Variants in BTBD9 observed in about 807,000 individuals in gnomAD.
BTBD9 encodes BTB domain containing 9, also known as BTB/POZ domain-containing protein 9.
In BTBD9, 49 loss-of-function variants were observed where a neutral mutation model predicts 64.3. That is an observed-to-expected ratio of 0.76 (90% confidence interval 0.61 to 0.97). The LOEUF (loss-of-function observed/expected upper bound fraction) is 0.97. Among genes scored for constraint, BTBD9 ranks in the 50% least tolerant of loss-of-function variants. The pLI is 0.00. For synonymous variants in BTBD9, 260 were observed against 274.7 expected, an observed-to-expected ratio of 0.95 and a Z score of 0.53; for missense variants, 598 against 762.1, an observed-to-expected ratio of 0.78 and a Z score of 2.53.
At chr6:38,495,630 A>T (rs1334210829) in intron 6 of BTBD9, among the ~76,000 whole-genome samples, 1 of 152,196 alleles carries the variant, frequency 6.6e-6, no homozygotes, top group Non-Finnish European at 1.5e-5. Context: ...GCTTTTCTAT[A>T]CATAATCGTA....
chr6:38,303,840 GATATATAT>G (rs70981538), intron 7 of BTBD9, among the ~76,000 whole-genome samples: 1,471 of 75,288 alleles, frequency 0.02, 33 homozygotes, highest in East Asian at 0.039. Flanking sequence ...TTAGTTGCTA[GATATATAT>G]ATATATATAT....
At chr6:38,408,263 C>T (rs1228811920) in intron 6 of BTBD9, among the ~76,000 whole-genome samples, 1 of 152,096 alleles carries the variant, frequency 6.6e-6, no homozygotes, top group Non-Finnish European at 1.5e-5. Flanking sequence ...GAGGCTGAGG[C>T]AGGGGGATCA....
chr6:38,396,497 C>A (rs750590661), intron 6 of BTBD9, among the ~76,000 whole-genome samples: 1 of 151,882 alleles, frequency 6.6e-6, no homozygotes, highest in Non-Finnish European at 1.5e-5. Flanking sequence ...CGTGTCTGAA[C>A]AACCTGCTGT....
intron 8 of BTBD9, among the ~76,000 whole-genome samples, chr6:38,266,610 GAAAGAAAGAAA>G (rs1764989728): frequency 2.8e-4 from 1 of 3,632 alleles, no homozygotes; most frequent in African/African-American, 1.5e-3. Flanking sequence ...AGAAAGGAAA[GAAAGAAAGAAA>G]GAAAGAAAGA....
chr6:38,636,076 T>C (rs1274494397), intron 1 of BTBD9, among the ~76,000 whole-genome samples: 2 of 152,196 alleles, frequency 1.3e-5, no homozygotes, highest in African/African-American at 2.4e-5. Context: ...ACAGGCATTG[T>C]GTTAATCACT....
rs144253183 is a variant in BTBD9 at position 38,487,347 on chromosome 6, G to A, written c.1154+90253C>T. 6.1e-3 allele frequency among the ~76,000 whole-genome samples: 932 copies of A among 152,260 alleles called. 8 individuals carry two copies. The highest frequency in any genetic ancestry group is 0.02 in the South Asian group (95 of 4,814). On this transcript the variant is annotated intron_variant, in intron 6 of 10. Coordinates refer to ENST00000481247, the MANE Select transcript of BTBD9 (RefSeq NM_001099272.2). Reference sequence around the variant, plus strand: ...TGTAATCCCAGCACTTTGGGAGACCGAGGAGGGCAGATCACTTGAATTCAG... The same window carrying A: ...TGTAATCCCAGCACTTTGGGAGACCAAGGAGGGCAGATCACTTGAATTCAG...
intron 6 of BTBD9, among the ~76,000 whole-genome samples, chr6:38,467,032 A>G (rs1382002785): frequency 6.6e-6 from 1 of 152,236 alleles, no homozygotes; most frequent in Non-Finnish European, 1.5e-5. Context: ...ACTAAACTTC[A>G]GTCAATAAAT....
chr6:38,515,111 T>C (rs1772958144), intron 6 of BTBD9, among the ~76,000 whole-genome samples: 1 of 152,236 alleles, frequency 6.6e-6, no homozygotes, highest in African/African-American at 2.4e-5. Flanking sequence ...TTTCCAGTTT[T>C]ACAGATGCTT....
intron 8 of BTBD9, among the ~76,000 whole-genome samples, chr6:38,275,774 A>C (rs996563546): frequency 6.6e-6 from 1 of 152,206 alleles, no homozygotes; most frequent in Non-Finnish European, 1.5e-5. Flanking sequence ...CCATCAGAGA[A>C]ATGCAAATCA....
chr6:38,638,971 C>T (rs935845377), intron 1 of BTBD9, among the ~76,000 whole-genome samples: 16 of 152,290 alleles, frequency 1.1e-4, no homozygotes, highest in Admixed American at 8.5e-4. Flanking sequence ...CAACACTTTC[C>T]GCCCACACAG....
chr6:38,226,898 G>A (rs1365045720), intron 9 of BTBD9, among the ~76,000 whole-genome samples: 3 of 152,116 alleles, frequency 2.0e-5, no homozygotes, highest in East Asian at 1.9e-4. Context: ...CCACTGCTGC[G>A]GCCTATCAAA....
At chr6:38,183,043 G>A (rs553829672) in intron 10 of BTBD9, among the ~76,000 whole-genome samples, 3 of 150,266 alleles carry the variant, frequency 2.0e-5, no homozygotes, top group South Asian at 2.1e-4. Context: ...GCAGTGGCAC[G>A]ATCTCGGCTC....
At chr6:38,475,248 A>G (rs947260144) in intron 6 of BTBD9, among the ~76,000 whole-genome samples, 2 of 152,212 alleles carry the variant, frequency 1.3e-5, no homozygotes, top group Non-Finnish European at 2.9e-5. Context: ...GATTTTTACC[A>G]TCTCAATCTT....
At chr6:38,481,654 C>G (rs1008061146) in intron 6 of BTBD9, 1 of 152,226 alleles carries the variant, frequency 6.6e-6, no homozygotes, top group African/African-American at 2.4e-5. Flanking sequence ...TTGCTAGCAC[C>G]TGGCAGATGA....
intron 6 of BTBD9, among the ~76,000 whole-genome samples, chr6:38,418,739 A>T (rs1767781271): frequency 6.6e-6 from 1 of 152,238 alleles, no homozygotes. Context: ...TTATACATAA[A>T]AAGAGTAAGT....
intron 6 of BTBD9, among the ~76,000 whole-genome samples, chr6:38,513,377 G>A (rs1772861363): frequency 6.6e-6 from 1 of 151,966 alleles, no homozygotes. Context: ...GAACCTGGGA[G>A]GCAGAGGTTT....
At chr6:38,471,340 C>G (rs1770644412) in intron 6 of BTBD9, among the ~76,000 whole-genome samples, 2 of 152,142 alleles carry the variant, frequency 1.3e-5, no homozygotes, top group African/African-American at 4.8e-5. Context: ...ATGCTTCCAT[C>G]AAAGCAAGGA....
intron 7 of BTBD9, among the ~76,000 whole-genome samples, chr6:38,311,299 T>A (rs1052574034): frequency 8.6e-5 from 13 of 152,036 alleles, no homozygotes; most frequent in African/African-American, 3.1e-4. Context: ...TCTATCTCCA[T>A]GAGTTCAATT....
chr6:38,199,917 G>A (rs1762399788), intron 9 of BTBD9, among the ~76,000 whole-genome samples: 1 of 152,244 alleles, frequency 6.6e-6, no homozygotes, highest in African/African-American at 2.4e-5. Context: ...TGTAGGCAGG[G>A]GTGACCATGG....
Sources: allele counts gnomAD v4.1 joint callset (sites outside exome capture counted in the v4.1 genomes callset), GRCh38; gene constraint gnomAD v4.1.1; transcripts MANE v1.5; gene names NCBI Gene and HGNC (gene_info 2026-07-23, HGNC 2026-07-21).